Variants in CDH23 observed in about 807,000 individuals in gnomAD.
CDH23 encodes cadherin-23.
CDH23 carries 189 observed loss-of-function variants against 317.1 expected under a neutral mutation model. The observed-to-expected ratio is 0.60, with a 90% CI of 0.53 to 0.67. The LOEUF is 0.67. CDH23 is among the 30% of genes least tolerant of loss of function. The pLI, the probability that CDH23 is intolerant of heterozygous loss-of-function variation, is 0.00. For missense variants in CDH23, 4,401 were observed against 4,592.4 expected, an observed-to-expected ratio of 0.96 and a Z score of 1.20; for synonymous variants, 1,839 against 1,876.8, an observed-to-expected ratio of 0.98 and a Z score of 0.52.
At chr10:71,403,408 TCTTCCTTCCTTCCTTCCTTC>T (rs1176829681) in intron 1 of CDH23, among the ~76,000 whole-genome samples, 1 of 57,066 alleles carries the variant, frequency 1.8e-5, no homozygotes, top group African/African-American at 1.3e-4. Flanking sequence ...TCTTTCTTTC[TCTTCCTTCCTTCCTTCCTTC>T]CTTCCTTCCT....
intron 52 of CDH23, among the ~76,000 whole-genome samples, 159 bp downstream of exon 52, chr10:71,799,788 A>G (rs1841507945): frequency 6.6e-6 from 1 of 152,238 alleles, no homozygotes. Context: ...CCCTGTTCTC[A>G]GAGTCCCAGA....
chr10:71,599,285 C>CA (rs1860061237), intron 9 of CDH23, among the ~76,000 whole-genome samples: 1 of 152,132 alleles, frequency 6.6e-6, no homozygotes, highest in Non-Finnish European at 1.5e-5. Context: ...TCAATCATCT[C>CA]AGAGGCCTGT....
At chr10:71,612,374 G>A (rs932237735) in intron 9 of CDH23, among the ~76,000 whole-genome samples, 3 of 151,992 alleles carry the variant, frequency 2.0e-5, no homozygotes, top group Non-Finnish European at 2.9e-5. Context: ...GACAGATGCC[G>A]GGTTTGGAGT....
rs537647153 is a variant in CDH23, at chr10:71,718,802, C to G, written c.3370-5243C>G. Among the ~76,000 whole-genome samples the G allele has an allele frequency of 1.5e-4, 23 of 152,172 alleles. No individual in the cohort carries two copies. In the East Asian group the frequency reaches 4.5e-3, roughly 29 times the overall value. ...ATAAGTGAGGCCAGGCGTGTTGGCT[C>G]TCACCTGTAATCCCAGCACTTTGGG... On this transcript the variant is annotated intron_variant, in intron 28 of 69. Transcript: ENST00000224721.
intron 14 of CDH23, among the ~76,000 whole-genome samples, chr10:71,669,943 G>A (rs564579759): frequency 5.3e-5 from 8 of 152,342 alleles, no homozygotes; most frequent in Admixed American, 3.3e-4. Context: ...GGAGGTTGCA[G>A]TGAGCCAAGA....
intron 6 of CDH23, among the ~76,000 whole-genome samples, chr10:71,550,515 G>A (rs1856516966): frequency 1.4e-5 from 2 of 140,832 alleles, no homozygotes; most frequent in African/African-American, 2.7e-5. Flanking sequence ...AGCTGTGATC[G>A]TGCCACTGCA....
chr10:71,742,151 CAGA>C (rs1246715308), intron 38 of CDH23: 2 of 569,434 alleles, frequency 3.5e-6, no homozygotes, highest in Non-Finnish European at 6.3e-6. Flanking sequence ...TATAGCTACT[CAGA>C]AGCTCTGTTT....
Position 71,779,540 on chromosome 10 carries a change from CA to C in CDH23, c.5368+94del, listed in dbSNP as rs1840900763. On this transcript the variant is annotated intron_variant, in intron 41 of 69. Transcript: ENST00000224721. ...AGGGAGGTCTCAAGGCATTTGGCCT[CA>C]CCATTGTGTGATTTTGTCCTCTCTG... The C allele has an allele frequency of 5.5e-6, 6 of 1,096,008 alleles. No individual in the cohort carries two copies. In the Admixed American group the frequency reaches 1.7e-4, roughly 31 times the overall value. 67.9% of individuals were successfully genotyped at this position (1,096,008 alleles called of 1,614,324 possible).
chr10:71,504,604 A>C (rs1405271056), intron 3 of CDH23, among the ~76,000 whole-genome samples: 1 of 152,152 alleles, frequency 6.6e-6, no homozygotes, highest in African/African-American at 2.4e-5. Context: ...CACAGAGTGG[A>C]GGGGCTGGCC....
chr10:71,785,029 G>A lies in CDH23; in HGVS notation c.5641G>A (p.Gly1881Ser). 6.2e-7 allele frequency: 1 copy of A among 1,614,080 alleles called. No homozygotes were observed. The highest frequency in any genetic ancestry group is 8.5e-7 in the Non-Finnish European group (1 of 1,179,910). Residue 1881 changes from glycine to serine, a missense_variant, in exon 43 of 70, where the codon GGC (glycine) becomes AGC (serine). Coordinates refer to ENST00000224721, the MANE Select transcript of CDH23 (RefSeq NM_022124.6). ...AHVLASDADS[G>S]CNARLTFNIT... ...TGTCCTGGCCAGTGACGCTGACAGT[G>A]GCTGCAATGCACGCCTCACCTTCAA...
intron 1 of CDH23, among the ~76,000 whole-genome samples, chr10:71,398,949 C>G (rs1030384164): frequency 6.6e-6 from 1 of 152,152 alleles, no homozygotes; most frequent in Non-Finnish European, 1.5e-5. Flanking sequence ...ATATACTTCT[C>G]AGACTTGGCC....
chr10:71,518,689 A>C (rs1387188834), intron 6 of CDH23, among the ~76,000 whole-genome samples: 2 of 152,052 alleles, frequency 1.3e-5, no homozygotes, highest in Non-Finnish European at 2.9e-5. Flanking sequence ...TCCCCTGCCC[A>C]CACACACACA....
intron 9 of CDH23, among the ~76,000 whole-genome samples, chr10:71,602,470 G>A (rs1860286148): frequency 6.6e-6 from 1 of 152,302 alleles, no homozygotes; most frequent in South Asian, 2.1e-4. Context: ...TTTGAACTCA[G>A]TACCCTCTGA....
At chr10:71,812,078 A>AGAGCTGCAGTCTCCCAGCGCTGGGGC in intron 66 of CDH23, 63 bp downstream of exon 66, 2 of 1,612,250 alleles carry the variant, frequency 1.2e-6, no homozygotes, top group South Asian at 1.1e-5. Flanking sequence ...CCAGCTGGGG[A>AGAGCTGCAGTCTCCCAGCGCTGGGGC]GAGCTGCAGT....
At chr10:71,483,234 C>A (rs922558917) in intron 3 of CDH23, among the ~76,000 whole-genome samples, 1 of 152,244 alleles carries the variant, frequency 6.6e-6, no homozygotes, top group African/African-American at 2.4e-5. Flanking sequence ...TTCACTCTCA[C>A]CCTTCCAGGG....
At chr10:71,588,721 TG>T (rs905679108) in intron 9 of CDH23, among the ~76,000 whole-genome samples, 4 of 152,190 alleles carry the variant, frequency 2.6e-5, no homozygotes, top group Non-Finnish European at 4.4e-5. Flanking sequence ...ACCTACAGGA[TG>T]GGGAGGAGGC....
At position 71,738,514 on chromosome 10, in the gene CDH23, T is replaced by C; in HGVS notation, c.4226T>C (p.Leu1409Pro). The stretch of plus-strand genomic sequence containing the variant: ...CACCCTCAGGTCTACATCACTGTGC[T>C]GGACGAGAATGACAACAGCCCCCGG... ...DSTVKVYITV[L>P]DENDNSPRFD... The change falls in exon 35 of 70, where the codon CTG becomes CCG. Residue 1409 changes from leucine (L) to proline (P), a missense_variant. Transcript: ENST00000224721. The C allele has an allele frequency of 1.2e-6, 2 of 1,613,988 alleles. No individual in the cohort carries two copies. The highest frequency in any genetic ancestry group is 1.7e-6 in the Non-Finnish European group (2 of 1,179,908).
intron 3 of CDH23, among the ~76,000 whole-genome samples, chr10:71,500,623 C>T (rs1311243779): frequency 6.6e-6 from 1 of 152,152 alleles, no homozygotes; most frequent in African/African-American, 2.4e-5. Context: ...GAGAAGAAGG[C>T]TGTATTCAGG....
At chr10:71,688,391 G>A (rs182929848) in intron 19 of CDH23, among the ~76,000 whole-genome samples, 2 of 152,386 alleles carry the variant, frequency 1.3e-5, no homozygotes, top group African/African-American at 2.4e-5. Context: ...GTGGAGTCAT[G>A]GATAGTGGAG....
Sources: gnomAD v4.1 joint callset for allele counts (sites outside exome capture counted in the v4.1 genomes callset) on GRCh38, gnomAD v4.1.1 for gene constraint, MANE v1.5 for transcripts, NCBI Gene and HGNC (gene_info 2026-07-23, HGNC 2026-07-21) for gene names.